TMC1: variants seen among roughly 807,000 people sequenced by gnomAD.
The protein encoded by TMC1 is transmembrane channel-like protein 1.
TMC1 carries 84 observed loss-of-function variants against 105.8 expected under a neutral mutation model. The ratio of observed to expected loss-of-function variants is 0.79; its 90% CI spans 0.67 to 0.95. The LOEUF is 0.95. Among genes scored for constraint, TMC1 ranks in the 40% least tolerant of loss-of-function variants. The probability of loss-of-function intolerance (pLI) is 0.00; values close to 1 mark genes in which losing one functional copy is unlikely to be tolerated. For synonymous variants in TMC1, 315 were observed against 311.5 expected, an observed-to-expected ratio of 1.01 and a Z score of -0.12; for missense variants, 817 against 914.1, an observed-to-expected ratio of 0.89 and a Z score of 1.37.
At chr9:72,796,331 C>T (rs538960884) in intron 17 of TMC1, among the ~76,000 whole-genome samples, 48 of 152,144 alleles carry the variant, frequency 3.2e-4, no homozygotes, top group African/African-American at 8.7e-4. Flanking sequence ...AGCTATTTCA[C>T]GAAATTGAGG....
chr9:72,656,012 A>T (rs1825879303), intron 5 of TMC1: 2 of 762,890 alleles, frequency 2.6e-6, no homozygotes, highest in African/African-American at 1.7e-5. Flanking sequence ...GTGATTCTCA[A>T]AGTCTTAGTA....
At chr9:72,822,536 G>A (rs1828892212) in intron 20 of TMC1, among the ~76,000 whole-genome samples, 1 of 151,126 alleles carries the variant, frequency 6.6e-6, no homozygotes, top group Non-Finnish European at 1.5e-5. Flanking sequence ...GTGTGTGTGT[G>A]TGTGTGTGTG....
chr9:72,820,080 C>T (rs1043168011), intron 19 of TMC1, among the ~76,000 whole-genome samples: 2 of 152,024 alleles, frequency 1.3e-5, no homozygotes, highest in African/African-American at 4.8e-5. Context: ...CCAAGACAAG[C>T]TAAAGTAAGA....
chr9:72,825,009 A>T (rs1333415609), intron 20 of TMC1, among the ~76,000 whole-genome samples: 1 of 152,224 alleles, frequency 6.6e-6, no homozygotes, highest in East Asian at 1.9e-4. Context: ...TGAGACTGCT[A>T]TTATATTGGT....
intron 8 of TMC1, among the ~76,000 whole-genome samples, chr9:72,726,671 T>C (rs960859695): frequency 7.2e-5 from 11 of 152,210 alleles, no homozygotes; most frequent in African/African-American, 2.4e-4. Flanking sequence ...AAAAGCATCA[T>C]TTTAAATTTA....
chr9:72,820,444 T>C (rs1475415175), intron 19 of TMC1, among the ~76,000 whole-genome samples: 2 of 152,204 alleles, frequency 1.3e-5, no homozygotes, highest in Non-Finnish European at 2.9e-5. Flanking sequence ...GGGTTAATTA[T>C]TTTTAACAAG....
intron 1 of TMC1, among the ~76,000 whole-genome samples, chr9:72,566,540 C>T (rs1824157429): frequency 6.6e-6 from 1 of 152,082 alleles, no homozygotes; most frequent in Non-Finnish European, 1.5e-5. Flanking sequence ...AAATGGACCA[C>T]AGAGGTTCAG....
chr9:72,751,710 G>T (rs1430502015), intron 10 of TMC1, 140 bp from the exon 11 acceptor site: 3 of 655,872 alleles, frequency 4.6e-6, no homozygotes, highest in Non-Finnish European at 5.4e-6. Context: ...AGAGAGAAAA[G>T]AATGCTATAG....
At chr9:72,694,841 C>A in intron 7 of TMC1, 127 bp downstream of exon 7, 1 of 789,642 alleles carries the variant, frequency 1.3e-6, no homozygotes, top group Non-Finnish European at 2.0e-6. Context: ...TCTGATGATG[C>A]TATTTTATTC....
At chr9:72,622,536 C>T (rs1401647093) in intron 3 of TMC1, among the ~76,000 whole-genome samples, 1 of 152,116 alleles carries the variant, frequency 6.6e-6, no homozygotes, top group East Asian at 1.9e-4. Flanking sequence ...TAGAGTCCTC[C>T]TTTATATATC....
rs72733042 is a variant in TMC1 at position 72,716,614 on chromosome 9, C to A, written c.362+15971C>A. On this transcript the variant is annotated intron_variant, in intron 8 of 23. Coordinates refer to ENST00000297784, the MANE Select transcript of TMC1 (RefSeq NM_138691.3). ...CAGCAATGGCAGACGTCCCTCCCCCCACCAAGCTCGAGCATGCCAGATCGA... is the reference window on the plus strand; with the variant it reads ...CAGCAATGGCAGACGTCCCTCCCCCAACCAAGCTCGAGCATGCCAGATCGA... Among the ~76,000 whole-genome samples the A allele has an allele frequency of 2.4e-3, 369 of 152,280 alleles. 2 individuals are homozygous for A. The highest frequency in any genetic ancestry group is 4.3e-3 in the Non-Finnish European group (295 of 68,014).
chr9:72,830,172 T>G lies in TMC1; in HGVS notation c.2130-279T>G, dbSNP rs13297120. 0.04 allele frequency among the ~76,000 whole-genome samples: 6,024 copies of G among 152,300 alleles called. 148 individuals carry two copies. The highest frequency in any genetic ancestry group is 0.045 in the Admixed American group (694 of 15,302). On this transcript the variant is annotated intron_variant, in intron 21 of 23. Coordinates refer to ENST00000297784, the MANE Select transcript of TMC1 (RefSeq NM_138691.3). ...ATACATTTCCAGGAAAAAGCTAATA[T>G]TAGGCAGTGTGAAATAGCAGACAGA...
intron 21 of TMC1, 133 bp downstream of exon 21, chr9:72,827,127 C>T: frequency 8.2e-7 from 1 of 1,213,300 alleles, no homozygotes; most frequent in South Asian, 1.2e-5. Flanking sequence ...ACACTGATTA[C>T]ATGGTGGTGA....
At chr9:72,540,954 C>T (rs1234592004) in intron 1 of TMC1, among the ~76,000 whole-genome samples, 2 of 152,200 alleles carry the variant, frequency 1.3e-5, no homozygotes, top group African/African-American at 4.8e-5. Context: ...TATCTGCCTC[C>T]ATTAAATCCA....
rs776311501 is a variant in TMC1 at position 72,792,012 on chromosome 9, T to G, written c.1351T>G (p.Leu451Val). Residue 451 changes from leucine to valine, a missense_variant, in exon 16 of 24, where the codon TTA becomes GTA. Physicochemically the swap from Leu to Val is conservative, Grantham distance 32. Transcript: ENST00000297784. The stretch of plus-strand genomic sequence containing the variant: ...ACTGGGACGCATTTTTGCTCTTCTT[T>G]TAGGCAATTTATACGTATTTATTCT... ...WLLGRIFALL[L>V]GNLYVFILAL... is the part of the protein sequence containing the mutation. The G allele has an allele frequency of 6.2e-7, 1 of 1,614,150 alleles. No homozygotes were observed. The highest frequency in any genetic ancestry group is 1.7e-5 in the Admixed American group (1 of 60,026).
chr9:72,535,610 C>T (rs972907773), intron 1 of TMC1, among the ~76,000 whole-genome samples: 1 of 152,084 alleles, frequency 6.6e-6, no homozygotes, highest in Admixed American at 6.6e-5. Context: ...CATATCTAGT[C>T]AGCTTTGTGT....
chr9:72,730,188 A>G (rs1352408673), intron 8 of TMC1, among the ~76,000 whole-genome samples: 1 of 152,182 alleles, frequency 6.6e-6, no homozygotes, highest in African/African-American at 2.4e-5. Flanking sequence ...CACCTTCTAG[A>G]CAGAAAGGTA....
chr9:72,643,590 A>G (rs1056647404), intron 4 of TMC1, among the ~76,000 whole-genome samples: 4 of 152,134 alleles, frequency 2.6e-5, no homozygotes, highest in African/African-American at 7.2e-5. Context: ...ATGCAGCACA[A>G]TTATTTTGCC....
chr9:72,633,571 T>C (rs183308674), intron 4 of TMC1, among the ~76,000 whole-genome samples: 8 of 152,304 alleles, frequency 5.3e-5, no homozygotes. Flanking sequence ...AATTTTCTTA[T>C]TCTGTAAAAT....
Sources: allele counts gnomAD v4.1 joint callset (sites outside exome capture counted in the v4.1 genomes callset), GRCh38; gene constraint gnomAD v4.1.1; transcripts MANE v1.5; gene names NCBI Gene and HGNC (gene_info 2026-07-23, HGNC 2026-07-21).